Variants in FBXL13 observed in about 807,000 individuals in gnomAD.
The protein encoded by FBXL13 is F-box and leucine-rich repeat protein 13.
In FBXL13, 67 loss-of-function variants were observed where a neutral mutation model predicts 83.6. The observed-to-expected ratio is 0.80, with a 90% CI of 0.66 to 0.98. The LOEUF (loss-of-function observed/expected upper bound fraction) is 0.98, where lower values mean the gene tolerates loss of function less well. FBXL13 is among the 50% of genes least tolerant of loss of function. The probability of loss-of-function intolerance (pLI) is 0.00; values close to 1 mark genes in which losing one functional copy is unlikely to be tolerated. For synonymous variants in FBXL13, 272 were observed against 299.5 expected (o/e 0.91, Z 0.95); for missense variants, 822 against 866.5 (o/e 0.95, Z 0.64).
intron 7 of FBXL13, 41 bp downstream of exon 8, chr7:102,967,981 A>G: frequency 2.1e-6 from 3 of 1,456,672 alleles, no homozygotes; most frequent in Non-Finnish European, 2.9e-6. Flanking sequence ...TTCTCCTTTA[A>G]GAACTAGTGT....
At chr7:102,926,205 T>C in intron 10 of FBXL13, 69 bp downstream of exon 11, 1 of 1,356,444 alleles carries the variant, frequency 7.4e-7, no homozygotes. Context: ...CCTTGCAGAA[T>C]GCTAGAGCAA....
At chr7:102,903,125 T>C (rs890205484) in intron 11 of FBXL13, among the ~76,000 whole-genome samples, 9 of 152,120 alleles carry the variant, frequency 5.9e-5, no homozygotes, top group Non-Finnish European at 1.0e-4. Flanking sequence ...GTTTTCATTA[T>C]AGACCTCTTT....
chr7:102,942,229 T>G, intron 8 of FBXL13: 2 of 1,346,830 alleles, frequency 1.5e-6, no homozygotes, highest in South Asian at 2.6e-5. Flanking sequence ...AAAAAGTATC[T>G]TGGCAGTTAA....
chr7:102,880,693 C>T (rs1011283260), intron 14 of FBXL13, among the ~76,000 whole-genome samples: 2 of 152,292 alleles, frequency 1.3e-5, no homozygotes, highest in Non-Finnish European at 2.9e-5. Flanking sequence ...TATCTTTGTG[C>T]ATTTTGACAA....
rs569548124 is a variant in FBXL13 at position 103,043,607 on chromosome 7, G to A, written c.-1+12037C>T. Among the ~76,000 whole-genome samples the A allele has an allele frequency of 1.1e-4, 17 of 152,274 alleles. No individual in the cohort carries two copies. The East Asian group carries it at 3.3e-3, about 29-fold the overall frequency. ...GCTCACTGCAACCTCAGCCTTCAGGGTCTGGGCAATTCTCCTGCCTCAGCC... is the reference window on the plus strand; with the variant it reads ...GCTCACTGCAACCTCAGCCTTCAGGATCTGGGCAATTCTCCTGCCTCAGCC... On this transcript the variant is annotated intron_variant, in intron 2 of 19. Coordinates refer to ENST00000313221, the Ensembl canonical transcript of FBXL13.
chr7:102,973,212 A>C (rs1826949546), intron 6 of FBXL13: 1 of 236,566 alleles, frequency 4.2e-6, no homozygotes, highest in Non-Finnish European at 8.3e-6. Flanking sequence ...TTTGTTTTTG[A>C]AAGATTCTCC....
intron 1 of FBXL13, among the ~76,000 whole-genome samples, chr7:103,074,076 G>A (rs899359833): frequency 6.6e-6 from 1 of 152,092 alleles, no homozygotes; most frequent in Non-Finnish European, 1.5e-5. Flanking sequence ...CTCTTATAAC[G>A]GCAGTAGGAG....
At chr7:103,053,568 A>C (rs547011500) in intron 2 of FBXL13, among the ~76,000 whole-genome samples, 49 of 152,296 alleles carry the variant, frequency 3.2e-4, no homozygotes, top group African/African-American at 1.2e-3. Context: ...TACCACGCTA[A>C]ATCAGTGGTT....
At chr7:102,980,200 C>T (rs1828018751) in intron 6 of FBXL13, among the ~76,000 whole-genome samples, 1 of 152,146 alleles carries the variant, frequency 6.6e-6, no homozygotes, top group Non-Finnish European at 1.5e-5. Context: ...ACTCACATTT[C>T]CTGATTTGAA....
intron 11 of FBXL13, among the ~76,000 whole-genome samples, chr7:102,892,879 G>C (rs898934036): frequency 6.6e-6 from 1 of 152,036 alleles, no homozygotes; most frequent in Non-Finnish European, 1.5e-5. Flanking sequence ...CCAACTTCCT[G>C]TTGGTAGCTT....
At chr7:103,063,852 G>A (rs1333659943) in intron 1 of FBXL13, among the ~76,000 whole-genome samples, 1 of 152,010 alleles carries the variant, frequency 6.6e-6, no homozygotes, top group East Asian at 1.9e-4. Flanking sequence ...ATCATGTGGG[G>A]CCTAGGAAGG....
intron 11 of FBXL13, among the ~76,000 whole-genome samples, chr7:102,904,373 T>C (rs1813418675): frequency 6.6e-6 from 1 of 152,008 alleles, no homozygotes; most frequent in Admixed American, 6.5e-5. Context: ...TTTATTTGGA[T>C]CTTCTCTCTT....
intron 6 of FBXL13, among the ~76,000 whole-genome samples, chr7:102,972,658 G>A (rs746048855): frequency 2.8e-4 from 42 of 151,066 alleles, no homozygotes; most frequent in Admixed American, 3.3e-4. Flanking sequence ...TACTTTAAAC[G>A]TTTTTATTTT....
chr7:102,935,380 T>A (rs1223198149), intron 8 of FBXL13, among the ~76,000 whole-genome samples: 1 of 151,308 alleles, frequency 6.6e-6, no homozygotes, highest in African/African-American at 2.4e-5. Context: ...GCCTCTCGAG[T>A]AGCTGATTTT....
chr7:102,956,257 A>G (rs1363176475), intron 8 of FBXL13, among the ~76,000 whole-genome samples: 2 of 152,212 alleles, frequency 1.3e-5, no homozygotes, highest in African/African-American at 2.4e-5. Flanking sequence ...GTAATCTATC[A>G]CATAAACAGA....
intron 14 of FBXL13, among the ~76,000 whole-genome samples, chr7:102,881,121 C>G (rs1809994944): frequency 6.6e-6 from 1 of 152,180 alleles, no homozygotes; most frequent in Admixed American, 6.5e-5. Context: ...TGTCTTGTCA[C>G]CTCTACTTCT....
chr7:103,066,917 G>A (rs1453458306), intron 1 of FBXL13, among the ~76,000 whole-genome samples: 2 of 151,406 alleles, frequency 1.3e-5, no homozygotes, highest in Non-Finnish European at 2.9e-5. Context: ...TCAGCCACTC[G>A]AGTAGCTGGG....
At chr7:103,035,177 T>C (rs957353190) in intron 2 of FBXL13, among the ~76,000 whole-genome samples, 4 of 152,202 alleles carry the variant, frequency 2.6e-5, no homozygotes, top group Non-Finnish European at 4.4e-5. Flanking sequence ...GTGTACAGCC[T>C]GGAACACCAG....
chr7:103,027,709 T>G, intron 4 of FBXL13, 151 bp from the exon 6 acceptor site: 1 of 489,464 alleles, frequency 2.0e-6, no homozygotes, highest in Non-Finnish European at 3.6e-6. Flanking sequence ...ATTAATTACT[T>G]TTGATAGCAT....
Sources: allele counts gnomAD v4.1 joint callset (sites outside exome capture counted in the v4.1 genomes callset), GRCh38; gene constraint gnomAD v4.1.1; transcripts MANE v1.5; gene names NCBI Gene and HGNC (gene_info 2026-07-23, HGNC 2026-07-21).